The following PRRC2C variants were observed in gnomAD, a reference collection of about 807,000 sequenced individuals.
PRRC2C encodes protein PRRC2C.
In PRRC2C, 72 loss-of-function variants were observed where a neutral mutation model predicts 317.2. That is an observed-to-expected ratio of 0.23 (90% confidence interval 0.19 to 0.28). The LOEUF is 0.28. PRRC2C is among the 10% of genes least tolerant of loss of function. The probability of loss-of-function intolerance (pLI) is 1.00; values close to 1 mark genes in which losing one functional copy is unlikely to be tolerated. For synonymous variants in PRRC2C, 1,296 were observed against 1,205.9 expected, an observed-to-expected ratio of 1.07 and a Z score of -1.55; for missense variants, 3,074 against 3,459.7, an observed-to-expected ratio of 0.89 and a Z score of 2.80.
rs183324779 is a variant in PRRC2C at position 171,539,300 on chromosome 1, C to T, written c.2505-671C>T. Reference sequence around the variant, plus strand: ...GATTACAGGCGTGAGCCACCGCACCCGGCCCTATTTATTTTTAATTGTGGC... The same window carrying T: ...GATTACAGGCGTGAGCCACCGCACCTGGCCCTATTTATTTTTAATTGTGGC... On this transcript the variant is annotated intron_variant, in intron 15 of 34. Transcript: ENST00000647382. 2.2e-3 allele frequency among the ~76,000 whole-genome samples: 336 copies of T among 152,278 alleles called. 1 individual carries two copies. Among genetic ancestry groups the T allele is most frequent in the African/African-American group, 7.8e-3 (324 of 41,556 alleles).
chr1:171,577,493 C>T lies in PRRC2C; in HGVS notation c.7015C>T (p.Pro2339Ser), dbSNP rs753046021. ...AAAATCTACAACCACATCGGACCCT[C>T]CAAATATTTGTAAAGTGAAACCTCA... ...STKSTTTSDP[P>S]NICKVKPQQL... The change falls in exon 26 of 35, where the codon CCA becomes TCA. Residue 2339 changes from proline (P) to serine (S), a missense_variant. Around this residue, in one of 11 missense-constraint regions of PRRC2C, gnomAD observed 490 missense variants for 663.1 expected, o/e 0.74. Coordinates refer to ENST00000647382, the MANE Select transcript of PRRC2C (RefSeq NM_001387844.1). 1 of 1,613,226 alleles carries T rather than the reference C, an allele frequency of 6.2e-7. No individual in the cohort carries two copies. Among genetic ancestry groups the T allele is most frequent in the Non-Finnish European group, 8.5e-7 (1 of 1,179,266 alleles).
Position 171,537,292 on chromosome 1 carries a change from A to G in PRRC2C, c.2323A>G (p.Arg775Gly). The change falls in exon 15 of 35, where the codon AGA (arginine) becomes GGA (glycine). Residue 775 changes from arginine (R) to glycine (G), a missense_variant. By Grantham distance (125) the Arg-to-Gly change is moderately radical. Coordinates refer to ENST00000647382, the MANE Select transcript of PRRC2C (RefSeq NM_001387844.1). The stretch of plus-strand genomic sequence containing the variant: ...GATTCCTCCTAAACCATTAATGAGA[A>G]GAGACCAGATGGAAGGGTCACCGAA... ...GMIPPKPLMR[R>G]DQMEGSPNSS... 1 of 1,599,078 alleles carries G rather than the reference A, an allele frequency of 6.3e-7. No individual in the cohort carries two copies. The highest frequency in any genetic ancestry group is 8.5e-7 in the Non-Finnish European group (1 of 1,171,950).
chr1:171,584,320 C>T, intron 29 of PRRC2C, 99 bp from the exon 30 acceptor site: 1 of 1,345,318 alleles, frequency 7.4e-7, no homozygotes, highest in Non-Finnish European at 1.0e-6. Context: ...TTATCTAATA[C>T]TAAAAATTGC....
chr1:171,489,028 T>C (rs540384947), intron 1 of PRRC2C, among the ~76,000 whole-genome samples: 1 of 152,342 alleles, frequency 6.6e-6, no homozygotes, highest in South Asian at 2.1e-4. Context: ...GTTTTCTGTG[T>C]TCTAATACTA....
intron 14 of PRRC2C, among the ~76,000 whole-genome samples, chr1:171,536,652 A>C (rs1222832919): frequency 6.6e-6 from 1 of 152,118 alleles, no homozygotes; most frequent in African/African-American, 2.4e-5. Flanking sequence ...TACCAACCTA[A>C]CACTTGAATT....
intron 11 of PRRC2C, among the ~76,000 whole-genome samples, chr1:171,531,755 T>G (rs1485229232): frequency 1.3e-5 from 2 of 152,242 alleles, no homozygotes; most frequent in Non-Finnish European, 2.9e-5. Flanking sequence ...GGGTTCTAGA[T>G]ACGCTTTTCT....
chr1:171,585,384 C>T (rs1027465720), intron 30 of PRRC2C, among the ~76,000 whole-genome samples: 2 of 152,078 alleles, frequency 1.3e-5, no homozygotes, highest in African/African-American at 4.8e-5. Context: ...GTATATGGTA[C>T]GTTTAAAACT....
chr1:171,585,167 A>G (rs770953384), intron 30 of PRRC2C, among the ~76,000 whole-genome samples: 1 of 152,166 alleles, frequency 6.6e-6, no homozygotes, highest in Non-Finnish European at 1.5e-5. Context: ...AAAGGATTCA[A>G]TGAATATAAA....
At chr1:171,522,859 TTTTC>T (rs1316846528) in intron 7 of PRRC2C, among the ~76,000 whole-genome samples, 6 of 148,192 alleles carry the variant, frequency 4.0e-5, no homozygotes, top group Admixed American at 6.7e-5. Flanking sequence ...GGACTCCCCA[TTTTC>T]TTTCTTTTTT....
chr1:171,534,373 T>C (rs189903900), intron 12 of PRRC2C, among the ~76,000 whole-genome samples: 102 of 152,306 alleles, frequency 6.7e-4, no homozygotes, highest in African/African-American at 2.4e-3. Flanking sequence ...TTAATAAGTT[T>C]TATTTGTGCT....
At position 171,584,050 on chromosome 1, in the gene PRRC2C, G is replaced by C. The variant is rs1294657046; in HGVS notation, c.7504G>C (p.Glu2502Gln). Reference protein sequence around the residue: ...IHNFPTVQHQELAKAQSGLAF... With the variant: ...IHNFPTVQHQQLAKAQSGLAF... Reference sequence around the variant, plus strand: ...CAACTTTCCAACTGTCCAACACCAAGAACTTGCCAAGGCACAATCCGGTCT... The same window carrying C: ...CAACTTTCCAACTGTCCAACACCAACAACTTGCCAAGGCACAATCCGGTCT... The change falls in exon 29 of 35, where the codon GAA becomes CAA. Residue 2502 changes from glutamate to glutamine, a missense_variant. Coordinates refer to ENST00000647382, the MANE Select transcript of PRRC2C (RefSeq NM_001387844.1). The C allele has an allele frequency of 6.2e-7, 1 of 1,613,812 alleles. No homozygotes were observed. Among genetic ancestry groups the C allele is most frequent in the Non-Finnish European group, 8.5e-7 (1 of 1,179,858 alleles).
At chr1:171,534,389 T>C (rs1439087717) in intron 12 of PRRC2C, among the ~76,000 whole-genome samples, 2 of 152,202 alleles carry the variant, frequency 1.3e-5, no homozygotes, top group African/African-American at 4.8e-5. Context: ...GTGCTTTTAT[T>C]TTCATTCACA....
At chr1:171,528,286 ATT>A (rs60053076) in intron 11 of PRRC2C, among the ~76,000 whole-genome samples, 47 of 135,744 alleles carry the variant, frequency 3.5e-4, no homozygotes, top group Admixed American at 4.5e-4. Context: ...CATCAGTGAA[ATT>A]TTTTTTTTTT....
intron 17 of PRRC2C, among the ~76,000 whole-genome samples, chr1:171,548,429 C>T (rs1415998971): frequency 6.6e-6 from 1 of 152,194 alleles, no homozygotes; most frequent in Non-Finnish European, 1.5e-5. Context: ...GTATCACCTT[C>T]CCTTGTTGCT....
intron 19 of PRRC2C, among the ~76,000 whole-genome samples, chr1:171,560,776 T>C (rs1318318550): frequency 1.3e-5 from 2 of 152,194 alleles, no homozygotes; most frequent in Non-Finnish European, 1.5e-5. Context: ...AGAAAATTAG[T>C]GTGATTTGCT....
chr1:171,561,201 G>A, intron 20 of PRRC2C, 98 bp downstream of exon 20: 2 of 1,205,370 alleles, frequency 1.7e-6, no homozygotes, highest in Non-Finnish European at 2.4e-6. Context: ...CTAGCGTGGT[G>A]GGAGGGTTAC....
chr1:171,535,807 T>A (rs943835881), intron 13 of PRRC2C, among the ~76,000 whole-genome samples: 2 of 152,220 alleles, frequency 1.3e-5, no homozygotes, highest in Non-Finnish European at 2.9e-5. Flanking sequence ...GACACCATCT[T>A]CCATTTCTAG....
chr1:171,542,187 A>G lies in PRRC2C; in HGVS notation c.4721A>G (p.Asn1574Ser), dbSNP rs762532182. ...GGAAGGAATTTCTCAGGTCCTAGAA[A>G]TGAAAGGAGAAGTGGCCCACCATCA... is the stretch of plus-strand genomic sequence containing the variant. ...KSGRNFSGPRNERRSGPPSKS... is the reference protein window; with the variant it reads ...KSGRNFSGPRSERRSGPPSKS... Residue 1574 changes from asparagine (N) to serine (S), a missense_variant, in exon 16 of 35, where the codon AAT becomes AGT. This residue lies in a region of PRRC2C where 178 missense variants were observed against 163.0 expected (regional missense o/e 1.09). Coordinates refer to ENST00000647382, the MANE Select transcript of PRRC2C (RefSeq NM_001387844.1). 4 of 1,588,982 alleles carry G rather than the reference A, an allele frequency of 2.5e-6. No individual in the cohort carries two copies. The highest frequency in any genetic ancestry group is 3.4e-6 in the Non-Finnish European group (4 of 1,169,728).
At chr1:171,579,318 C>A in intron 26 of PRRC2C, 36 bp from the exon 27 acceptor site, 1 of 1,573,608 alleles carries the variant, frequency 6.4e-7, no homozygotes, top group Non-Finnish European at 8.6e-7. Context: ...GAAATTAGGA[C>A]ACTTACTACT....
Sources: allele counts gnomAD v4.1 joint callset (sites outside exome capture counted in the v4.1 genomes callset), GRCh38; gene constraint gnomAD v4.1.1; regional missense constraint gnomAD v4.1.1; transcripts MANE v1.5; gene names NCBI Gene and HGNC (gene_info 2026-07-23, HGNC 2026-07-21).